WDR25: variants seen among roughly 807,000 people sequenced by gnomAD.
WDR25 encodes WD repeat-containing protein 25.
Under a neutral mutation model 47.7 loss-of-function variants are expected in WDR25, and 35 were observed. That is an observed-to-expected ratio of 0.73 (90% CI 0.56 to 0.97). WDR25 has a LOEUF of 0.97. Among genes scored for constraint, WDR25 ranks in the 50% least tolerant of loss-of-function variants. The probability of loss-of-function intolerance (pLI) is 0.00; values close to 1 mark genes in which losing one functional copy is unlikely to be tolerated. For missense variants in WDR25, 634 were observed against 704.7 expected (o/e 0.90, Z 1.14); for synonymous variants, 248 against 278.9 (o/e 0.89, Z 1.10).
chr14:100,446,958 CATT>C (rs1160888500), intron 2 of WDR25, among the ~76,000 whole-genome samples: 1 of 152,212 alleles, frequency 6.6e-6, no homozygotes, highest in African/African-American at 2.4e-5. Context: ...ACGGAGTCAT[CATT>C]ATTATCCCAT....
At chr14:100,519,375 G>A (rs551481251) in intron 4 of WDR25, among the ~76,000 whole-genome samples, 1 of 151,772 alleles carries the variant, frequency 6.6e-6, no homozygotes, top group East Asian at 1.9e-4. Context: ...GGTACATGTT[G>A]CATAATTTTA....
chr14:100,509,635 TC>T (rs1027250052), intron 4 of WDR25, among the ~76,000 whole-genome samples: 6 of 152,248 alleles, frequency 3.9e-5, no homozygotes, highest in African/African-American at 1.4e-4. Flanking sequence ...GTTTAAGTTT[TC>T]ATATATGTAT....
At chr14:100,427,150 C>T (rs1898192144) in intron 2 of WDR25, among the ~76,000 whole-genome samples, 1 of 152,146 alleles carries the variant, frequency 6.6e-6, no homozygotes, top group African/African-American at 2.4e-5. Context: ...TGCTGTCCTT[C>T]ACCCTGCCTG....
intron 2 of WDR25, among the ~76,000 whole-genome samples, chr14:100,408,523 GC>G (rs1207867734): frequency 6.6e-6 from 1 of 151,408 alleles, no homozygotes; most frequent in Non-Finnish European, 1.5e-5. Flanking sequence ...CCCCCTCTGT[GC>G]CCCCCTCCAA....
At chr14:100,445,325 T>G (rs1898797820) in intron 2 of WDR25, among the ~76,000 whole-genome samples, 1 of 152,194 alleles carries the variant, frequency 6.6e-6, no homozygotes, top group African/African-American at 2.4e-5. Flanking sequence ...GGACACCAGA[T>G]TTACATGTTT....
intron 4 of WDR25, among the ~76,000 whole-genome samples, chr14:100,522,183 T>A (rs1203812786): frequency 1.3e-5 from 2 of 152,216 alleles, no homozygotes; most frequent in Admixed American, 1.3e-4. Context: ...TTGTCTTTTT[T>A]ACTTTATTTA....
At chr14:100,390,426 T>C (rs867017866) in intron 2 of WDR25, among the ~76,000 whole-genome samples, 8 of 150,486 alleles carry the variant, frequency 5.3e-5, no homozygotes, top group South Asian at 2.1e-4. Context: ...TGTGTGTGTG[T>C]GCATGCACAC....
rs2029953824 is a variant in WDR25, at chr14:100,523,368, C to T, written c.1102-2502C>T. Among the ~76,000 whole-genome samples the T allele has an allele frequency of 6.6e-6, 1 of 152,142 alleles. No individual in the cohort carries two copies. Among genetic ancestry groups the T allele is most frequent in the Admixed American group, 6.5e-5 (1 of 15,280 alleles). On this transcript the variant is annotated intron_variant, in intron 4 of 6. Transcript: ENST00000402312. This position sits in a 1 kb window ranked among gnomAD's most constrained non-coding sequence, Gnocchi z 4.7. ...GTTGCGTGTGAGCCCAGAGCAGTGC[C>T]TCCCCACCCCCTGTCCTTCAGGTCT...
intron 2 of WDR25, among the ~76,000 whole-genome samples, chr14:100,393,236 C>T (rs1339342714): frequency 6.6e-6 from 1 of 152,212 alleles, no homozygotes; most frequent in Non-Finnish European, 1.5e-5. Flanking sequence ...ATTTACACAG[C>T]CTGACAACTG....
chr14:100,505,491 TATA>T (rs945318958), intron 4 of WDR25, among the ~76,000 whole-genome samples: 1 of 152,240 alleles, frequency 6.6e-6, no homozygotes, highest in African/African-American at 2.4e-5. Context: ...ACTGTAGCTT[TATA>T]ATAATTTTTG....
rs1305780472 is a variant in WDR25 at position 100,468,272 on chromosome 14, G to C, written c.970+104G>C. On this transcript the variant is annotated intron_variant, in intron 3 of 6. Coordinates refer to ENST00000402312, the MANE Select transcript of WDR25 (RefSeq NM_001161476.3). The surrounding 1 kb of genome is among the most constrained non-coding windows in gnomAD (Gnocchi z 4.5). ...ACAAGCTGTATACGCTTGCGTGGCA[G>C]AGGGAGAGGGGCCTCAGGGTGGGCT... 6.8e-7 allele frequency: 1 copy of C among 1,480,938 alleles called. No homozygotes were observed. Among genetic ancestry groups the C allele is most frequent in the African/African-American group, 1.4e-5 (1 of 71,598 alleles). The allele number at this position is 1,480,938 out of a possible 1,614,324, so 91.7% of individuals were successfully genotyped here. A position where few individuals can be genotyped will look rare whatever the true frequency, so the allele number is the denominator to read the frequency against.
chr14:100,418,790 C>T (rs1331965421), intron 2 of WDR25, among the ~76,000 whole-genome samples: 1 of 151,996 alleles, frequency 6.6e-6, no homozygotes, highest in Non-Finnish European at 1.5e-5. Context: ...ACTCACGCCA[C>T]ACCTACTCCG....
chr14:100,431,137 C>T (rs1445092678), intron 2 of WDR25, among the ~76,000 whole-genome samples: 1 of 152,144 alleles, frequency 6.6e-6, no homozygotes, highest in East Asian at 1.9e-4. Flanking sequence ...ATTAGTATGG[C>T]TAATTAATGG....
intron 2 of WDR25, among the ~76,000 whole-genome samples, chr14:100,408,482 G>T (rs997826802): frequency 6.6e-6 from 1 of 152,176 alleles, no homozygotes; most frequent in African/African-American, 2.4e-5. Flanking sequence ...ATGGTCTGCA[G>T]CCCTCAGTGC....
intron 2 of WDR25, among the ~76,000 whole-genome samples, chr14:100,460,112 ATTT>A (rs35102087): frequency 5.4e-5 from 7 of 129,634 alleles, no homozygotes; most frequent in Non-Finnish European, 3.3e-5. Flanking sequence ...TAGATACAAA[ATTT>A]TTTTTTTTTT....
intron 2 of WDR25, among the ~76,000 whole-genome samples, chr14:100,432,575 A>T (rs1461041845): frequency 6.6e-6 from 1 of 152,228 alleles, no homozygotes; most frequent in East Asian, 1.9e-4. Flanking sequence ...TCCAAATGTT[A>T]ACATCATTTT....
chr14:100,409,583 G>A (rs1231589398), intron 2 of WDR25, among the ~76,000 whole-genome samples: 1 of 152,122 alleles, frequency 6.6e-6, no homozygotes, highest in Non-Finnish European at 1.5e-5. Flanking sequence ...GGTGATCCCT[G>A]GTTGTATGAA....
intron 2 of WDR25, among the ~76,000 whole-genome samples, chr14:100,433,063 G>A (rs895511494): frequency 1.3e-5 from 2 of 152,184 alleles, no homozygotes; most frequent in African/African-American, 2.4e-5. Context: ...CATGTGGATC[G>A]TCATTGACTG....
In WDR25 at chr14:100,464,088, G is replaced by A. The variant is rs112729375; in HGVS notation, c.823-3933G>A. On this transcript the variant is annotated intron_variant, in intron 2 of 6. Transcript: ENST00000402312. ...CTGCAGAACCCTGGGATGCCCCAAC[G>A]GCTTGTGGTTTTCCGACTTCATCCC... Among the ~76,000 whole-genome samples, 522 of 152,226 alleles carry A rather than the reference G, an allele frequency of 3.4e-3. 8 individuals carry two copies. The highest frequency in any genetic ancestry group is 0.011 in the African/African-American group (472 of 41,520).
Sources: allele counts gnomAD v4.1 joint callset (sites outside exome capture counted in the v4.1 genomes callset), GRCh38; gene constraint gnomAD v4.1.1; non-coding constraint Gnocchi (gnomAD v3.1); transcripts MANE v1.5; gene names NCBI Gene and HGNC (gene_info 2026-07-23, HGNC 2026-07-21).